Variants in CHCHD3 observed in about 807,000 individuals in gnomAD.
CHCHD3 encodes the protein MICOS complex subunit MIC19.
Under a neutral mutation model 38.2 loss-of-function variants are expected in CHCHD3, and 20 were observed. The observed-to-expected ratio is 0.52, with a 90% CI of 0.37 to 0.76. The LOEUF (loss-of-function observed/expected upper bound fraction) is 0.76. CHCHD3 is among the 30% of genes least tolerant of loss of function. The pLI is 0.00. For synonymous variants in CHCHD3, 82 were observed against 100.0 expected, an observed-to-expected ratio of 0.82 and a Z score of 1.07; for missense variants, 245 against 279.2, an observed-to-expected ratio of 0.88 and a Z score of 0.87.
chr7:132,951,571 G>A (rs1811037351), intron 4 of CHCHD3, among the ~76,000 whole-genome samples: 2 of 152,148 alleles, frequency 1.3e-5, no homozygotes, highest in South Asian at 4.1e-4. Flanking sequence ...GGTATGTAGG[G>A]TATGTAGTAG....
intron 3 of CHCHD3, among the ~76,000 whole-genome samples, chr7:132,979,976 G>A (rs1811876562): frequency 6.6e-6 from 1 of 152,126 alleles, no homozygotes; most frequent in African/African-American, 2.4e-5. Flanking sequence ...AACTGCTTAT[G>A]TTTTCAGAAA....
chr7:133,024,657 A>T (rs750473818), intron 2 of CHCHD3, 30 bp from the exon 3 acceptor site: 136 of 1,468,538 alleles, frequency 9.3e-5, no homozygotes, highest in Non-Finnish European at 1.2e-4. Flanking sequence ...GAAGGAGATA[A>T]AATAGGTGAC....
At chr7:132,799,152 C>T (rs1806702409) in intron 6 of CHCHD3, among the ~76,000 whole-genome samples, 1 of 152,016 alleles carries the variant, frequency 6.6e-6, no homozygotes, top group Non-Finnish European at 1.5e-5. Flanking sequence ...TAATTGTCCT[C>T]CAGCTCCAGG....
chr7:132,916,021 A>T (rs1375932882), intron 4 of CHCHD3, among the ~76,000 whole-genome samples: 1 of 151,950 alleles, frequency 6.6e-6, no homozygotes, highest in Non-Finnish European at 1.5e-5. Flanking sequence ...GAATCAATAC[A>T]TATGGGTGAT....
intron 6 of CHCHD3, among the ~76,000 whole-genome samples, chr7:132,836,560 G>C (rs1807787853): frequency 6.6e-6 from 1 of 152,028 alleles, no homozygotes. Flanking sequence ...GCTCACTGCA[G>C]TCCTGGGTTC....
At chr7:133,009,704 C>T (rs1584640109) in intron 3 of CHCHD3, among the ~76,000 whole-genome samples, 1 of 152,178 alleles carries the variant, frequency 6.6e-6, no homozygotes, top group Admixed American at 6.5e-5. Context: ...CTCAGAGACA[C>T]AAGAGACTTC....
chr7:133,050,215 T>G (rs192564980), intron 2 of CHCHD3, among the ~76,000 whole-genome samples: 1 of 151,838 alleles, frequency 6.6e-6, no homozygotes, highest in East Asian at 1.9e-4. Context: ...TGGTGCTGCA[T>G]GTCTGTAATC....
chr7:132,802,137 CTT>C (rs768467836), intron 6 of CHCHD3, among the ~76,000 whole-genome samples: 1 of 152,168 alleles, frequency 6.6e-6, no homozygotes, highest in East Asian at 1.9e-4. Flanking sequence ...GAGCAAACAA[CTT>C]TTCAATTTTG....
intron 6 of CHCHD3, among the ~76,000 whole-genome samples, chr7:132,800,103 A>T (rs925007745): frequency 2.6e-5 from 4 of 152,224 alleles, no homozygotes; most frequent in Admixed American, 6.5e-5. Context: ...CATCTAAAAA[A>T]ATATATATCC....
chr7:132,820,164 T>A (rs1323642326), intron 6 of CHCHD3, among the ~76,000 whole-genome samples: 7 of 152,168 alleles, frequency 4.6e-5, no homozygotes, highest in Non-Finnish European at 1.0e-4. Context: ...CCACTACTTA[T>A]CACCACAAAT....
At chr7:132,878,124 C>T (rs951438700) in intron 5 of CHCHD3, among the ~76,000 whole-genome samples, 1 of 152,084 alleles carries the variant, frequency 6.6e-6, no homozygotes, top group African/African-American at 2.4e-5. Flanking sequence ...ATTGTGAATC[C>T]ATCCTGCATT....
Position 132,973,500 on chromosome 7 carries a change from T to A in CHCHD3, c.369+1669A>T, listed in dbSNP as rs1418257850. ...CTTTAATTCTGAAATTATTCCCCTT[T>A]CACAATGACTGACTTTGCTTCCACC... On this transcript the variant is annotated intron_variant, in intron 4 of 7. Transcript: ENST00000262570. 6.1e-6 allele frequency: 6 copies of A among 985,346 alleles called. No individual in the cohort carries two copies. The African/African-American group carries it at 1.0e-4, about 17-fold the overall frequency. The allele number at this position is 985,346 out of a possible 1,614,324, so 61.0% of individuals were successfully genotyped here.
At chr7:133,059,709 G>C (rs1010045609) in intron 2 of CHCHD3, among the ~76,000 whole-genome samples, 1 of 152,156 alleles carries the variant, frequency 6.6e-6, no homozygotes, top group Admixed American at 6.5e-5. Context: ...CCTGAAACTG[G>C]CATTGTATAA....
At chr7:132,824,165 T>C (rs918779895) in intron 6 of CHCHD3, among the ~76,000 whole-genome samples, 3 of 152,162 alleles carry the variant, frequency 2.0e-5, no homozygotes, top group Non-Finnish European at 4.4e-5. Context: ...AATAAACGTA[T>C]ACAACATCTA....
intron 1 of CHCHD3, among the ~76,000 whole-genome samples, chr7:133,081,052 G>C: frequency 6.6e-6 from 1 of 152,066 alleles, no homozygotes; most frequent in Non-Finnish European, 1.5e-5. Context: ...TGACACCCTA[G>C]AGAAAAACCA....
At chr7:133,055,232 T>C (rs1450549798) in intron 2 of CHCHD3, among the ~76,000 whole-genome samples, 1 of 147,996 alleles carries the variant, frequency 6.8e-6, no homozygotes. Flanking sequence ...TAATTTTGCA[T>C]ATACTTATAT....
intron 4 of CHCHD3, among the ~76,000 whole-genome samples, chr7:132,946,395 A>G (rs1810904450): frequency 6.6e-6 from 1 of 151,922 alleles, no homozygotes; most frequent in Non-Finnish European, 1.5e-5. Flanking sequence ...CCAGTTTTAA[A>G]CTACTAGGGC....
intron 7 of CHCHD3, among the ~76,000 whole-genome samples, chr7:132,789,452 C>A (rs7794308): frequency 6.6e-6 from 1 of 152,122 alleles, no homozygotes; most frequent in African/African-American, 2.4e-5. Flanking sequence ...GAAGAACAAC[C>A]GGCAGCTCAC....
chr7:132,982,444 C>G lies in CHCHD3; in HGVS notation c.252-7158G>C, dbSNP rs561629733. On this transcript the variant is annotated intron_variant, in intron 3 of 7. Coordinates refer to ENST00000262570, the MANE Select transcript of CHCHD3 (RefSeq NM_017812.4). Reference sequence around the variant, plus strand: ...GGATTACAGGCATGTGCCACCATGCCTGGCTAATTTTTGTATTTTTAGTAA... The same window carrying G: ...GGATTACAGGCATGTGCCACCATGCGTGGCTAATTTTTGTATTTTTAGTAA... Among the ~76,000 whole-genome samples, 4 of 152,250 alleles carry G rather than the reference C, an allele frequency of 2.6e-5. No homozygotes were observed. The East Asian group carries it at 5.8e-4, about 22-fold the overall frequency.
Sources: gnomAD v4.1 joint callset for allele counts (sites outside exome capture counted in the v4.1 genomes callset) on GRCh38, gnomAD v4.1.1 for gene constraint, MANE v1.5 for transcripts, NCBI Gene and HGNC (gene_info 2026-07-23, HGNC 2026-07-21) for gene names.